The following RIGI variants were observed in gnomAD, a reference collection of about 807,000 sequenced individuals.
RIGI encodes the protein antiviral innate immune response receptor RIG-I.
the RIGI span, chr9:32,498,279 A>G: frequency 2.2e-6 from 1 of 456,658 alleles, no homozygotes; most frequent in African/African-American, 2.0e-5. Context: ...CCAGTTTTTG[A>G]ACATGGGTCC....
the RIGI span, among the ~76,000 whole-genome samples, chr9:32,503,645 C>T: frequency 6.6e-6 from 1 of 152,188 alleles, no homozygotes. Flanking sequence ...GTACCTGGCT[C>T]ACGCATGTGT....
chr9:32,489,241 A>T, the RIGI span: 1,102 of 725,132 alleles, frequency 1.5e-3, 8 homozygotes, highest in African/African-American at 0.018. Flanking sequence ...AGACACATGG[A>T]ACAAGGAAAA....
the RIGI span, among the ~76,000 whole-genome samples, chr9:32,511,309 A>C: frequency 6.6e-6 from 1 of 152,190 alleles, no homozygotes; most frequent in Non-Finnish European, 1.5e-5. Context: ...CATCATACTT[A>C]TTCTAAAATT....
the RIGI span, chr9:32,466,283 G>A: frequency 3.7e-6 from 6 of 1,613,060 alleles, no homozygotes; most frequent in Non-Finnish European, 5.1e-6. Context: ...GAATAACGTA[G>A]ACTTACCTTT....
the RIGI span, chr9:32,500,870 T>C: frequency 6.2e-7 from 1 of 1,614,156 alleles, no homozygotes; most frequent in South Asian, 1.1e-5. Flanking sequence ...CAACAGGAAC[T>C]TGAGAAAAAG....
At chr9:32,519,810 A>G in the RIGI span, among the ~76,000 whole-genome samples, 1 of 152,236 alleles carries the variant, frequency 6.6e-6, no homozygotes, top group Admixed American at 6.5e-5. Flanking sequence ...AAAAAAAATT[A>G]TAAGACTTTC....
At chr9:32,479,632 T>G in the RIGI span, among the ~76,000 whole-genome samples, 1 of 151,756 alleles carries the variant, frequency 6.6e-6, no homozygotes, top group Non-Finnish European at 1.5e-5. Flanking sequence ...AGGTCAGGAG[T>G]TTGAGACCAA....
At chr9:32,495,633 G>C in the RIGI span, among the ~76,000 whole-genome samples, 2 of 149,846 alleles carry the variant, frequency 1.3e-5, no homozygotes, top group African/African-American at 2.5e-5. Context: ...ATCATATTTG[G>C]ATAAATGTCT....
At chr9:32,483,672 C>T in the RIGI span, among the ~76,000 whole-genome samples, 1 of 106,868 alleles carries the variant, frequency 9.4e-6, no homozygotes, top group Admixed American at 1.1e-4. Context: ...GAAATCATCC[C>T]ACCCCACTGC....
the RIGI span, among the ~76,000 whole-genome samples, chr9:32,504,968 CTATAT>C: frequency 7.6e-6 from 1 of 131,712 alleles, no homozygotes; most frequent in Non-Finnish European, 1.6e-5. Flanking sequence ...TATATTTATT[CTATAT>C]TATATATCAT....
chr9:32,489,661 GA>G, the RIGI span, among the ~76,000 whole-genome samples: 50,518 of 136,418 alleles, frequency 0.37, 9,199 homozygotes, highest in South Asian at 0.5. Flanking sequence ...TGGCAAGAAA[GA>G]AAAAAAAAAA....
the RIGI span, among the ~76,000 whole-genome samples, chr9:32,480,965 G>C: frequency 1.3e-5 from 2 of 152,340 alleles, no homozygotes; most frequent in South Asian, 4.1e-4. Context: ...AGAAATGTGT[G>C]CTTCAGGACA....
the RIGI span, chr9:32,481,301 GCT>G: frequency 6.3e-7 from 1 of 1,595,352 alleles, no homozygotes; most frequent in Non-Finnish European, 8.5e-7. Flanking sequence ...CCCAGTAGGT[GCT>G]GTGACCAGAA....
chr9:32,476,584 A>G, the RIGI span, among the ~76,000 whole-genome samples: 1 of 151,972 alleles, frequency 6.6e-6, no homozygotes, highest in Non-Finnish European at 1.5e-5. Flanking sequence ...AACAGAATAG[A>G]GAAACTCAGA....
At chr9:32,485,587 C>G in the RIGI span, 1 of 411,224 alleles carries the variant, frequency 2.4e-6, no homozygotes, top group Non-Finnish European at 4.6e-6. Context: ...GTCACCCAGG[C>G]TGGAGTACAG....
At chr9:32,456,278 T>C in the RIGI span, 1 of 152,074 alleles carries the variant, frequency 6.6e-6, no homozygotes, top group Admixed American at 6.5e-5. Flanking sequence ...TTTCAAGAAG[T>C]ATTTTATCAT....
chr9:32,471,379 A>G, the RIGI span, among the ~76,000 whole-genome samples: 1 of 152,228 alleles, frequency 6.6e-6, no homozygotes, highest in Non-Finnish European at 1.5e-5. Flanking sequence ...AACAATGAGC[A>G]TCTCTGGAAC....
the RIGI span, chr9:32,488,626 G>T: frequency 2.6e-6 from 3 of 1,171,888 alleles, no homozygotes; most frequent in Non-Finnish European, 3.4e-6. Context: ...TTATAAAAAA[G>T]CTGAATCTAA....
the RIGI span, chr9:32,485,528 C>A: frequency 2.2e-6 from 1 of 450,412 alleles, no homozygotes; most frequent in Non-Finnish European, 4.1e-6. Flanking sequence ...GTCTAACTAG[C>A]TTCTTTTTTT....
Sources: gnomAD v4.1 joint callset for allele counts (sites outside exome capture counted in the v4.1 genomes callset) on GRCh38, gnomAD v4.1.1 for gene constraint, MANE v1.5 for transcripts, NCBI Gene and HGNC (gene_info 2026-07-23, HGNC 2026-07-21) for gene names.